The following CADPS variants were observed in gnomAD, a reference collection of about 807,000 sequenced individuals.
The protein encoded by CADPS is calcium dependent secretion activator.
CADPS carries 57 observed loss-of-function variants against 167.3 expected under a neutral mutation model. The observed-to-expected ratio is 0.34, with a 90% CI of 0.28 to 0.42. CADPS has a LOEUF of 0.42. CADPS is among the 20% of genes least tolerant of loss of function. The probability of loss-of-function intolerance (pLI) is 1.00; values close to 1 mark genes in which losing one functional copy is unlikely to be tolerated. For missense variants in CADPS, 1,414 were observed against 1,738.1 expected, an observed-to-expected ratio of 0.81 and a Z score of 3.32; for synonymous variants, 676 against 635.3, an observed-to-expected ratio of 1.06 and a Z score of -0.96.
At chr3:62,731,159 TG>T (rs2152121970) in intron 3 of CADPS, among the ~76,000 whole-genome samples, 1 of 152,362 alleles carries the variant, frequency 6.6e-6, no homozygotes, top group Non-Finnish European at 1.5e-5. Flanking sequence ...CCTGAAGTTT[TG>T]ATTTTACTTT....
Position 62,585,229 on chromosome 3 carries a change from T to A in CADPS, c.1533A>T (p.Lys511Asn). ...KNCPDQDLKI[K>N]LAVRMDKPQN... is the part of the protein sequence containing the mutation. The stretch of plus-strand genomic sequence containing the variant: ...GAGGCTTATCCATTCGGACAGCAAG[T>A]TTGATTTTGAGATCTTGGTCGGGGC... The change falls in exon 8 of 30, where the codon AAA (lysine) becomes AAT (asparagine). Residue 511 changes from lysine (K) to asparagine (N), a missense_variant. Transcript: ENST00000383710. 6.2e-7 allele frequency: 1 copy of A among 1,614,074 alleles called. No homozygotes were observed. Among genetic ancestry groups the A allele is most frequent in the Non-Finnish European group, 8.5e-7 (1 of 1,179,952 alleles).
At position 62,532,942 on chromosome 3, in the gene CADPS, A is replaced by T; in HGVS notation, c.2220T>A (p.Asn740Lys). ...YLRDLLERAENGAMIDPTLLH... is the reference protein window; with the variant it reads ...YLRDLLERAEKGAMIDPTLLH... ...GAAGGGTGGGGTCGATCATGGCGCC[A>T]TTTTCTGCCCGTTCAAGCAAGTCTC... The change falls in exon 13 of 30, where the codon AAT (asparagine) becomes AAA (lysine). Residue 740 changes from asparagine (N) to lysine (K), a missense_variant. Asn to Lys is a moderately conservative substitution (Grantham distance 94). This residue lies in a region of CADPS where 529 missense variants were observed against 629.6 expected (regional missense o/e 0.84). Coordinates refer to ENST00000383710, the MANE Select transcript of CADPS (RefSeq NM_003716.4). The T allele has an allele frequency of 3.1e-6, 5 of 1,613,612 alleles. No individual in the cohort carries two copies. Among genetic ancestry groups the T allele is most frequent in the Non-Finnish European group, 4.2e-6 (5 of 1,179,820 alleles).
intron 3 of CADPS, among the ~76,000 whole-genome samples, chr3:62,694,122 C>T (rs1043730395): frequency 5.3e-5 from 8 of 152,102 alleles, no homozygotes; most frequent in Non-Finnish European, 1.2e-4. Context: ...CAGACTTCCT[C>T]TCACGAAGGC....
Position 62,601,574 on chromosome 3 carries a change from T to C in CADPS, c.1326-8826A>G, listed in dbSNP as rs2059979259. On this transcript the variant is annotated intron_variant, in intron 6 of 29. Transcript: ENST00000383710. This position sits in a 1 kb window ranked among gnomAD's most constrained non-coding sequence, Gnocchi z 4.3. ...TGGGGATCCAATTTGCTGCTCTAAA[T>C]TCTTCATGGAGCTCTTTCTAGCACT... Among the ~76,000 whole-genome samples, 1 of 152,214 alleles carries C rather than the reference T, an allele frequency of 6.6e-6. No individual in the cohort carries two copies.
intron 3 of CADPS, among the ~76,000 whole-genome samples, chr3:62,740,704 A>G (rs988319547): frequency 5.3e-5 from 8 of 152,054 alleles, no homozygotes; most frequent in Admixed American, 2.6e-4. Flanking sequence ...CATGCCCCCT[A>G]CTACCCCTAT....
At chr3:62,461,624 G>A (rs2059360682) in intron 26 of CADPS, among the ~76,000 whole-genome samples, 1 of 152,142 alleles carries the variant, frequency 6.6e-6, no homozygotes, top group Admixed American at 6.5e-5. Context: ...TAATGCAGCT[G>A]CTATTTTGTC....
intron 18 of CADPS, among the ~76,000 whole-genome samples, chr3:62,495,784 T>C (rs1401894213): frequency 6.6e-6 from 1 of 152,216 alleles, no homozygotes; most frequent in East Asian, 1.9e-4. Flanking sequence ...GTGAATAGAT[T>C]AGACTCTGGA....
intron 1 of CADPS, among the ~76,000 whole-genome samples, chr3:62,798,962 C>A (rs935729537): frequency 6.6e-6 from 1 of 152,170 alleles, no homozygotes; most frequent in Non-Finnish European, 1.5e-5. Flanking sequence ...CTCTAGACAT[C>A]AGCAGATATT....
intron 6 of CADPS, among the ~76,000 whole-genome samples, chr3:62,642,481 G>A (rs183034318): frequency 2.6e-5 from 4 of 152,308 alleles, no homozygotes; most frequent in Admixed American, 6.5e-5. Context: ...GTGTAAGTGG[G>A]AGGGGTGGAG....
intron 1 of CADPS, chr3:62,814,617 C>T (rs1559749329): frequency 6.6e-6 from 1 of 152,066 alleles, no homozygotes; most frequent in African/African-American, 2.4e-5. Flanking sequence ...TAATTCAATC[C>T]TGGGAAGAAG....
At chr3:62,870,073 G>C (rs370235890) in intron 1 of CADPS, among the ~76,000 whole-genome samples, 22 of 152,030 alleles carry the variant, frequency 1.4e-4, no homozygotes, top group Non-Finnish European at 1.3e-4. Context: ...ATGGTATTCC[G>C]CATCTTCAGA....
intron 21 of CADPS, among the ~76,000 whole-genome samples, chr3:62,487,315 A>C (rs1000073373): frequency 2.6e-5 from 4 of 152,196 alleles, no homozygotes; most frequent in Non-Finnish European, 4.4e-5. Flanking sequence ...ATGGCTTATT[A>C]CCAATGAGCT....
At chr3:62,595,271 A>G (rs2058746831) in intron 6 of CADPS, among the ~76,000 whole-genome samples, 2 of 152,126 alleles carry the variant, frequency 1.3e-5, no homozygotes, top group Non-Finnish European at 2.9e-5. Flanking sequence ...ACAAAAAGTG[A>G]CAGGTTTCAA....
chr3:62,816,087 T>G lies in CADPS; in HGVS notation c.442-50103A>C, dbSNP rs573510369. Among the ~76,000 whole-genome samples the G allele has an allele frequency of 5.7e-4, 87 of 152,176 alleles. 1 individual carries two copies. In the South Asian group the frequency reaches 0.011, roughly 20 times the overall value. On this transcript the variant is annotated intron_variant, in intron 1 of 29. Coordinates refer to ENST00000383710, the MANE Select transcript of CADPS (RefSeq NM_003716.4). ...CATATATTTTAGTAAAGCTTTAAAT[T>G]AACAGTTTCATGATACTCTGACCTG...
chr3:62,801,718 C>G (rs1245382069), intron 1 of CADPS, among the ~76,000 whole-genome samples: 1 of 152,058 alleles, frequency 6.6e-6, no homozygotes, highest in African/African-American at 2.4e-5. Flanking sequence ...CCTAAATTGA[C>G]CTGTGAAGCA....
intron 1 of CADPS, among the ~76,000 whole-genome samples, chr3:62,831,723 G>A (rs1405959227): frequency 6.6e-6 from 1 of 152,164 alleles, no homozygotes; most frequent in African/African-American, 2.4e-5. Context: ...CTGAATAAAT[G>A]AGTGATCCAA....
chr3:62,499,311 G>A, intron 17 of CADPS, 43 bp from the exon 18 acceptor site: 1 of 1,306,602 alleles, frequency 7.7e-7, no homozygotes, highest in Non-Finnish European at 1.1e-6. Flanking sequence ...GAAAGTGGCA[G>A]GCTACTTTTA....
Position 62,478,292 on chromosome 3 carries a change from C to A in CADPS, c.3298G>T (p.Ala1100Ser). ...ACACAAGATTCGATCATGTCACTTG[C>A]CATCAACTTCAGCCGTTGTTCCAGG... ...KHLEQRLKLM[A>S]SDMIESCVKR... Residue 1100 changes from alanine to serine, a missense_variant, in exon 23 of 30, where the codon GCA becomes TCA. Ala to Ser is a moderately conservative substitution (Grantham distance 99). Coordinates refer to ENST00000383710, the MANE Select transcript of CADPS (RefSeq NM_003716.4). This position sits in a 1 kb window ranked among gnomAD's most constrained non-coding sequence, Gnocchi z 5.7. 1 of 1,613,852 alleles carries A rather than the reference C, an allele frequency of 6.2e-7. No individual in the cohort carries two copies. The highest frequency in any genetic ancestry group is 1.1e-5 in the South Asian group (1 of 91,072).
chr3:62,797,937 A>C (rs1361364833), intron 1 of CADPS, among the ~76,000 whole-genome samples: 1 of 152,214 alleles, frequency 6.6e-6, no homozygotes, highest in Non-Finnish European at 1.5e-5. Flanking sequence ...AAAACTAATA[A>C]ATGCAAAACT....
Sources: allele counts gnomAD v4.1 joint callset (sites outside exome capture counted in the v4.1 genomes callset), GRCh38; gene constraint gnomAD v4.1.1; regional missense constraint gnomAD v4.1.1; non-coding constraint Gnocchi (gnomAD v3.1); transcripts MANE v1.5; gene names NCBI Gene and HGNC (gene_info 2026-07-23, HGNC 2026-07-21).